AKR1C3: variants seen among roughly 807,000 people sequenced by gnomAD.
AKR1C3 encodes the protein 3-alpha hydroxysteroid dehydrogenase, type II.
A neutral mutation model predicts 43.6 loss-of-function variants in AKR1C3; 48 were observed. The ratio of observed to expected loss-of-function variants is 1.10; its 90% CI spans 0.87 to 1.40. The LOEUF is 1.40. Ranked by LOEUF, AKR1C3 falls within the 40% of genes most tolerant of loss-of-function variation. AKR1C3 has a pLI of 0.00. For missense variants in AKR1C3, 482 were observed against 391.2 expected (o/e 1.23, Z -1.96); for synonymous variants, 162 against 139.6 (o/e 1.16, Z -1.13).
intron 3 of AKR1C3, chr10:5,097,993 A>C (rs1356307455): frequency 9.8e-7 from 1 of 1,019,490 alleles, no homozygotes; most frequent in Non-Finnish European, 1.2e-6. Flanking sequence ...TTCTTAAATT[A>C]GAAACCCTTA....
intron 1 of AKR1C3, among the ~76,000 whole-genome samples, chr10:5,059,946 T>C (rs2131783615): frequency 6.6e-6 from 1 of 152,218 alleles, no homozygotes; most frequent in Admixed American, 6.5e-5. Context: ...GTCTGGAGTT[T>C]TTTCCTTCTG....
At chr10:5,063,775 A>AAAAAAAAAAAAAAAAAAAAAC in intron 1 of AKR1C3, among the ~76,000 whole-genome samples, 1 of 144,832 alleles carries the variant, frequency 6.9e-6, no homozygotes, top group Non-Finnish European at 1.5e-5. Flanking sequence ...CAAAAAAAAA[A>AAAAAAAAAAAAAAAAAAAAAC]AAAAAAAAAA....
intron 1 of AKR1C3, among the ~76,000 whole-genome samples, chr10:5,069,868 CTG>C (rs1838583351): frequency 6.6e-6 from 1 of 151,362 alleles, no homozygotes; most frequent in African/African-American, 2.4e-5. Flanking sequence ...GAGTGAAACT[CTG>C]TCTCAAAAAA....
intron 1 of AKR1C3, among the ~76,000 whole-genome samples, chr10:5,068,642 TC>T (rs1554781033): frequency 6.6e-6 from 1 of 152,194 alleles, no homozygotes; most frequent in African/African-American, 2.4e-5. Context: ...TAAGTTGTGT[TC>T]TGATAAGATT....
At chr10:5,051,780 C>T (rs1438589194) in intron 1 of AKR1C3, among the ~76,000 whole-genome samples, 1 of 152,204 alleles carries the variant, frequency 6.6e-6, no homozygotes, top group Non-Finnish European at 1.5e-5. Flanking sequence ...TAAATCTACC[C>T]TGCTTAGAGA....
At chr10:5,073,853 G>A (rs950677426) in intron 1 of AKR1C3, among the ~76,000 whole-genome samples, 1 of 152,036 alleles carries the variant, frequency 6.6e-6, no homozygotes, top group African/African-American at 2.4e-5. Context: ...GTTGAAGGCA[G>A]AGTTGAGCTT....
At chr10:5,057,424 A>T (rs1838284570) in intron 1 of AKR1C3, among the ~76,000 whole-genome samples, 1 of 152,170 alleles carries the variant, frequency 6.6e-6, no homozygotes, top group Non-Finnish European at 1.5e-5. Context: ...GATTTTGTTC[A>T]GGGCCCAGGG....
chr10:5,071,009 GTA>G (rs1838604058), intron 1 of AKR1C3, among the ~76,000 whole-genome samples: 1 of 152,192 alleles, frequency 6.6e-6, no homozygotes, highest in Non-Finnish European at 1.5e-5. Flanking sequence ...CTATGGGGTG[GTA>G]TTGATGGGCT....
At chr10:5,087,593 C>T (rs1328470158) in intron 1 of AKR1C3, among the ~76,000 whole-genome samples, 1 of 151,874 alleles carries the variant, frequency 6.6e-6, no homozygotes, top group East Asian at 1.9e-4. Context: ...CCAGGCTAGT[C>T]TCGAACTCTT....
intron 1 of AKR1C3, among the ~76,000 whole-genome samples, chr10:5,082,516 C>A (rs1838858959): frequency 6.6e-6 from 1 of 151,960 alleles, no homozygotes; most frequent in South Asian, 2.1e-4. Context: ...TGCATTTTAT[C>A]AAAACTCGGC....
upstream of AKR1C3, among the ~76,000 whole-genome samples, chr10:5,092,628 G>A (rs1167208690): frequency 6.6e-6 from 1 of 151,518 alleles, no homozygotes; most frequent in African/African-American, 2.4e-5. Flanking sequence ...TCCAAAATTT[G>A]TTTGGTTTAT....
chr10:5,050,442 G>A (rs1193251949), intron 1 of AKR1C3, among the ~76,000 whole-genome samples: 1 of 152,222 alleles, frequency 6.6e-6, no homozygotes, highest in Non-Finnish European at 1.5e-5. Context: ...GAAGGTTTTA[G>A]TAGTCATAGA....
chr10:5,063,454 A>G (rs1438781765), intron 1 of AKR1C3, among the ~76,000 whole-genome samples: 1 of 152,178 alleles, frequency 6.6e-6, no homozygotes, highest in Non-Finnish European at 1.5e-5. Flanking sequence ...AATGGTAGTA[A>G]AGGTGAATAT....
chr10:5,098,181 A>T, intron 3 of AKR1C3: 2 of 985,526 alleles, frequency 2.0e-6, no homozygotes, highest in Non-Finnish European at 2.4e-6. Flanking sequence ...GAAGTCAAAG[A>T]CATGGCTACA....
intron 1 of AKR1C3, among the ~76,000 whole-genome samples, chr10:5,050,788 A>C (rs577237141): frequency 1.3e-5 from 2 of 152,264 alleles, no homozygotes; most frequent in South Asian, 4.1e-4. Flanking sequence ...ATTCCTGGAT[A>C]TTGGACCCTG....
At chr10:5,060,667 C>T (rs1317266639) in intron 1 of AKR1C3, among the ~76,000 whole-genome samples, 1 of 152,230 alleles carries the variant, frequency 6.6e-6, no homozygotes, top group Admixed American at 6.5e-5. Flanking sequence ...AGCTGCCTTC[C>T]AATCCTGTGC....
intron 7 of AKR1C3, 74 bp downstream of exon 7, chr10:5,102,724 A>G: frequency 6.8e-7 from 1 of 1,474,606 alleles, no homozygotes. Flanking sequence ...TAAGGCTCTC[A>G]GGACAGCCTT....
upstream of AKR1C3, chr10:5,094,354 G>A: frequency 3.3e-6 from 3 of 898,076 alleles, no homozygotes; most frequent in Non-Finnish European, 5.1e-6. Context: ...TCAGTTTGCA[G>A]GGGTGGGGGG....
chr10:5,086,426 C>G, intron 1 of AKR1C3, among the ~76,000 whole-genome samples: 1 of 151,532 alleles, frequency 6.6e-6, no homozygotes, highest in Non-Finnish European at 1.5e-5. Flanking sequence ...TTTGATTGCA[C>G]TGTGATCTGA....
Sources: gnomAD v4.1 joint callset for allele counts (sites outside exome capture counted in the v4.1 genomes callset) on GRCh38, gnomAD v4.1.1 for gene constraint, MANE v1.5 for transcripts, NCBI Gene and HGNC (gene_info 2026-07-23, HGNC 2026-07-21) for gene names.